The following PCOLCE2 variants were observed in gnomAD, a reference collection of about 807,000 sequenced individuals.
PCOLCE2 encodes the protein procollagen C-endopeptidase enhancer 2, also known as procollagen C-proteinase enhancer 2.
Under a neutral mutation model 47.0 loss-of-function variants are expected in PCOLCE2, and 42 were observed. The observed-to-expected ratio is 0.89, with a 90% CI of 0.70 to 1.16. The LOEUF (loss-of-function observed/expected upper bound fraction) is 1.16, where lower values mean the gene tolerates loss of function less well. PCOLCE2 is among the 50% of genes most tolerant of loss of function. PCOLCE2 has a pLI of 0.00. For synonymous variants in PCOLCE2, 169 were observed against 191.7 expected (o/e 0.88, Z 0.98); for missense variants, 500 against 526.1 (o/e 0.95, Z 0.49).
intron 2 of PCOLCE2, among the ~76,000 whole-genome samples, chr3:142,866,662 T>C (rs142830597): frequency 0.012 from 1,844 of 152,298 alleles, 35 homozygotes; most frequent in African/African-American, 0.041. Flanking sequence ...CAGACATAAA[T>C]GTAAAAGCTA....
intron 2 of PCOLCE2, among the ~76,000 whole-genome samples, chr3:142,859,710 CACACGCCACCACA>C (rs1441896730): frequency 2.6e-5 from 4 of 152,030 alleles, no homozygotes; most frequent in African/African-American, 9.7e-5. Flanking sequence ...GGACTACAGG[CACACGCCACCACA>C]CCTGGCTAAT....
chr3:142,824,995 T>A (rs1937058630), intron 6 of PCOLCE2, among the ~76,000 whole-genome samples: 1 of 152,198 alleles, frequency 6.6e-6, no homozygotes, highest in African/African-American at 2.4e-5. Flanking sequence ...ATGGCAATAT[T>A]AAAACATATG....
At chr3:142,882,966 C>T (rs557894033) in intron 2 of PCOLCE2, among the ~76,000 whole-genome samples, 52 of 151,878 alleles carry the variant, frequency 3.4e-4, no homozygotes, top group African/African-American at 1.1e-3. Flanking sequence ...TTTGGGAGGC[C>T]GAGGCGGGTG....
At chr3:142,883,421 C>T (rs1933663523) in intron 2 of PCOLCE2, among the ~76,000 whole-genome samples, 1 of 151,606 alleles carries the variant, frequency 6.6e-6, no homozygotes, top group Admixed American at 6.6e-5. Flanking sequence ...CTATTAATGT[C>T]TTTTTCTTTT....
At chr3:142,870,409 G>A (rs1933366580) in intron 2 of PCOLCE2, among the ~76,000 whole-genome samples, 1 of 152,172 alleles carries the variant, frequency 6.6e-6, no homozygotes, top group African/African-American at 2.4e-5. Context: ...TATTTTTCAT[G>A]TTTTGCTGCA....
At chr3:142,839,524 T>C (rs1267325829) in intron 4 of PCOLCE2, among the ~76,000 whole-genome samples, 1 of 152,062 alleles carries the variant, frequency 6.6e-6, no homozygotes, top group Non-Finnish European at 1.5e-5. Flanking sequence ...TGTTGGCCAG[T>C]CTGCTCTCAA....
At chr3:142,851,271 A>C (rs573190595) in intron 2 of PCOLCE2, among the ~76,000 whole-genome samples, 1 of 152,342 alleles carries the variant, frequency 6.6e-6, no homozygotes, top group East Asian at 1.9e-4. Flanking sequence ...TAAATGAATT[A>C]AAATTAAGAC....
At chr3:142,831,513 G>A (rs114645816) in intron 5 of PCOLCE2, among the ~76,000 whole-genome samples, 2,648 of 152,164 alleles carry the variant, frequency 0.017, 83 homozygotes, top group African/African-American at 0.059. Context: ...AACACAAAAC[G>A]GACTAAGACA....
chr3:142,861,424 T>C (rs1406918623), intron 2 of PCOLCE2, among the ~76,000 whole-genome samples: 1 of 152,224 alleles, frequency 6.6e-6, no homozygotes, highest in Non-Finnish European at 1.5e-5. Context: ...AATTTTCTTA[T>C]CTTTTCTCTT....
chr3:142,838,661 AAAC>A (rs761465052), intron 5 of PCOLCE2, 106 bp downstream of exon 5: 164 of 1,001,102 alleles, frequency 1.6e-4, no homozygotes, highest in African/African-American at 1.6e-3. Flanking sequence ...TAATTTAACA[AAAC>A]AACAACAACA....
chr3:142,880,815 G>A (rs1254919744), intron 2 of PCOLCE2, among the ~76,000 whole-genome samples: 2 of 152,104 alleles, frequency 1.3e-5, no homozygotes, highest in African/African-American at 2.4e-5. Flanking sequence ...AAATAACCCT[G>A]GGAAGTCAAA....
chr3:142,881,404 T>C (rs1217284562), intron 2 of PCOLCE2, among the ~76,000 whole-genome samples: 2 of 152,220 alleles, frequency 1.3e-5, no homozygotes, highest in African/African-American at 4.8e-5. Flanking sequence ...AAAAACTATA[T>C]ATACTATTAT....
chr3:142,826,102 C>T (rs1034020780), intron 6 of PCOLCE2, among the ~76,000 whole-genome samples: 1 of 151,796 alleles, frequency 6.6e-6, no homozygotes, highest in Non-Finnish European at 1.5e-5. Context: ...CATCCTGGGT[C>T]CACGCCATTC....
chr3:142,867,369 T>C (rs1187633781), intron 2 of PCOLCE2, among the ~76,000 whole-genome samples: 1 of 152,188 alleles, frequency 6.6e-6, no homozygotes, highest in Non-Finnish European at 1.5e-5. Flanking sequence ...AGCAAGAAAG[T>C]AGTAACTGCA....
chr3:142,849,654 T>C (rs1468110438), intron 2 of PCOLCE2, among the ~76,000 whole-genome samples: 1 of 152,186 alleles, frequency 6.6e-6, no homozygotes, highest in East Asian at 1.9e-4. Context: ...AGTCATAAAG[T>C]CTTGATCATA....
intron 2 of PCOLCE2, among the ~76,000 whole-genome samples, chr3:142,850,511 A>G (rs879738800): frequency 2.0e-5 from 3 of 152,210 alleles, no homozygotes; most frequent in Non-Finnish European, 4.4e-5. Context: ...TGAGTCAACA[A>G]GTAGGAGGCA....
chr3:142,868,735 C>T lies in PCOLCE2; in HGVS notation c.192+18934G>A, dbSNP rs549786095. ...TAACCCTAGCCAACAAGGGAACGAA[C>T]GACACAGCAGCAGGGGCCACGTGCG... On this transcript the variant is annotated intron_variant, in intron 2 of 8. Transcript: ENST00000295992. Among the ~76,000 whole-genome samples, 21 of 152,294 alleles carry T rather than the reference C, an allele frequency of 1.4e-4. No individual in the cohort carries two copies. The South Asian group carries it at 1.7e-3, about 12-fold the overall frequency.
intron 4 of PCOLCE2, among the ~76,000 whole-genome samples, chr3:142,841,669 C>G (rs982512569): frequency 2.0e-5 from 3 of 152,046 alleles, no homozygotes; most frequent in Non-Finnish European, 4.4e-5. Context: ...CTGTTTATGT[C>G]TGTATATATG....
intron 1 of PCOLCE2, 38 bp downstream of exon 1, chr3:142,888,776 A>G: frequency 3.2e-6 from 4 of 1,262,210 alleles, no homozygotes; most frequent in Non-Finnish European, 3.2e-6. Flanking sequence ...GGAGGAAGGG[A>G]AAGGAGAGAA....
Sources: gnomAD v4.1 joint callset for allele counts (sites outside exome capture counted in the v4.1 genomes callset) on GRCh38, gnomAD v4.1.1 for gene constraint, MANE v1.5 for transcripts, NCBI Gene and HGNC (gene_info 2026-07-23, HGNC 2026-07-21) for gene names.